Variants in BTBD9 observed in about 807,000 individuals in gnomAD.
The protein encoded by BTBD9 is BTB domain containing 9, also known as BTB/POZ domain-containing protein 9.
A neutral mutation model predicts 64.3 loss-of-function variants in BTBD9; 49 were observed. That is an observed-to-expected ratio of 0.76 (90% CI 0.61 to 0.97). The LOEUF (loss-of-function observed/expected upper bound fraction) is 0.97. Among genes scored for constraint, BTBD9 ranks in the 50% least tolerant of loss-of-function variants. The probability of loss-of-function intolerance (pLI) is 0.00; values close to 1 mark genes in which losing one functional copy is unlikely to be tolerated. For missense variants in BTBD9, 598 were observed against 762.1 expected, an observed-to-expected ratio of 0.78 and a Z score of 2.53; for synonymous variants, 260 against 274.7, an observed-to-expected ratio of 0.95 and a Z score of 0.53.
At chr6:38,549,997 C>A (rs1582618050) in intron 6 of BTBD9, among the ~76,000 whole-genome samples, 1 of 152,130 alleles carries the variant, frequency 6.6e-6, no homozygotes, top group Admixed American at 6.5e-5. Context: ...TTTGTCCCTG[C>A]CTCACAGGCA....
intron 5 of BTBD9, among the ~76,000 whole-genome samples, chr6:38,578,982 T>A (rs1054774295): frequency 6.6e-6 from 1 of 152,196 alleles, no homozygotes; most frequent in Admixed American, 6.5e-5. Flanking sequence ...GTCTACCACA[T>A]AAAAGTAATG....
Position 38,594,182 on chromosome 6 carries a change from G to C in BTBD9, c.331C>G (p.Leu111Val). 6.2e-7 allele frequency: 1 copy of C among 1,614,166 alleles called. No homozygotes were observed. Among genetic ancestry groups the C allele is most frequent in the African/African-American group, 1.3e-5 (1 of 75,034 alleles). The change falls in exon 3 of 11, where the codon CTG becomes GTG. Residue 111 changes from leucine (L) to valine (V), a missense_variant. Physicochemically the swap from Leu to Val is conservative, Grantham distance 32. Coordinates refer to ENST00000481247, the MANE Select transcript of BTBD9 (RefSeq NM_001099272.2). Reference protein sequence around the residue: ...TLTDEKEEVLLDFLSLAHKYG... With the variant: ...TLTDEKEEVLVDFLSLAHKYG... ...TTATGAGCCAGGCTCAAAAAGTCCAGCAGCACCTCCTCCTTCTCATCTGTC... is the reference window on the plus strand; with the variant it reads ...TTATGAGCCAGGCTCAAAAAGTCCACCAGCACCTCCTCCTTCTCATCTGTC...
intron 6 of BTBD9, among the ~76,000 whole-genome samples, chr6:38,410,476 A>G (rs1222032258): frequency 6.6e-6 from 1 of 152,104 alleles, no homozygotes; most frequent in Non-Finnish European, 1.5e-5. Flanking sequence ...TTATCTCAAA[A>G]CAAACAAACA....
chr6:38,474,768 A>C (rs1263187875), intron 6 of BTBD9, among the ~76,000 whole-genome samples: 1 of 152,142 alleles, frequency 6.6e-6, no homozygotes, highest in East Asian at 1.9e-4. Flanking sequence ...AATTACATTC[A>C]TTTCCAGGGC....
chr6:38,614,773 T>G (rs1243825437), intron 1 of BTBD9, among the ~76,000 whole-genome samples: 1 of 152,194 alleles, frequency 6.6e-6, no homozygotes, highest in Admixed American at 6.5e-5. Context: ...CACTCCACCT[T>G]CATCTCTCAC....
At chr6:38,247,183 A>C (rs986264649) in intron 9 of BTBD9, among the ~76,000 whole-genome samples, 4 of 152,200 alleles carry the variant, frequency 2.6e-5, no homozygotes, top group African/African-American at 9.7e-5. Flanking sequence ...AGGCAAAGTA[A>C]ATTGTCTCTA....
chr6:38,262,614 C>A (rs1445462884), intron 8 of BTBD9, among the ~76,000 whole-genome samples: 1 of 152,004 alleles, frequency 6.6e-6, no homozygotes, highest in African/African-American at 2.4e-5. Flanking sequence ...ATACAAAATT[C>A]AATAGCGAAT....
At chr6:38,303,468 C>T (rs1046311755) in intron 7 of BTBD9, among the ~76,000 whole-genome samples, 3 of 151,820 alleles carry the variant, frequency 2.0e-5, no homozygotes, top group African/African-American at 7.3e-5. Context: ...TTATGAAAAC[C>T]AGAAAGATGG....
chr6:38,182,254 T>A (rs1054934625), intron 10 of BTBD9, among the ~76,000 whole-genome samples: 5 of 152,156 alleles, frequency 3.3e-5, no homozygotes, highest in South Asian at 2.1e-4. Flanking sequence ...GCTTGGAAGG[T>A]TCTGGAAGAA....
chr6:38,280,498 A>G (rs1024096881), intron 8 of BTBD9, among the ~76,000 whole-genome samples: 1 of 152,250 alleles, frequency 6.6e-6, no homozygotes, highest in East Asian at 1.9e-4. Flanking sequence ...GACTAGAATT[A>G]TAAGCAATCT....
intron 6 of BTBD9, among the ~76,000 whole-genome samples, chr6:38,381,493 C>T (rs567812497): frequency 7.2e-5 from 11 of 152,176 alleles, no homozygotes; most frequent in African/African-American, 2.6e-4. Flanking sequence ...CTGAGAAATC[C>T]ACTATCAATG....
At chr6:38,469,615 G>A (rs781307872) in intron 6 of BTBD9, among the ~76,000 whole-genome samples, 6 of 151,980 alleles carry the variant, frequency 3.9e-5, no homozygotes, top group African/African-American at 1.2e-4. Flanking sequence ...CACCGCGCCC[G>A]GCAGGAACCC....
At chr6:38,596,704 G>A (rs978396901) in intron 2 of BTBD9, among the ~76,000 whole-genome samples, 2 of 152,090 alleles carry the variant, frequency 1.3e-5, no homozygotes, top group Non-Finnish European at 2.9e-5. Context: ...GGGAGGCTGA[G>A]GCAGGAGAAT....
At chr6:38,375,890 GA>G (rs143269156) in intron 6 of BTBD9, among the ~76,000 whole-genome samples, 4 of 50,338 alleles carry the variant, frequency 7.9e-5, no homozygotes, top group South Asian at 9.3e-4. Flanking sequence ...AAGAAAGAAA[GA>G]AAAGAAAGAA....
chr6:38,629,216 G>A (rs765330234), intron 1 of BTBD9, among the ~76,000 whole-genome samples: 5 of 152,248 alleles, frequency 3.3e-5, no homozygotes, highest in Middle Eastern at 3.4e-3. Context: ...AATGGATTCA[G>A]CAAATAGTCA....
At chr6:38,550,094 G>A (rs777557769) in intron 6 of BTBD9, among the ~76,000 whole-genome samples, 3 of 151,980 alleles carry the variant, frequency 2.0e-5, no homozygotes, top group Non-Finnish European at 4.4e-5. Flanking sequence ...TGTATCCAGC[G>A]CAGACTTCTC....
intron 6 of BTBD9, among the ~76,000 whole-genome samples, chr6:38,407,262 T>C (rs1767212319): frequency 6.6e-6 from 1 of 152,218 alleles, no homozygotes; most frequent in Admixed American, 6.5e-5. Flanking sequence ...GATTAAGCAA[T>C]GAGTTGTTTT....
intron 9 of BTBD9, among the ~76,000 whole-genome samples, chr6:38,230,634 A>T (rs1763570254): frequency 6.6e-6 from 1 of 151,998 alleles, no homozygotes; most frequent in African/African-American, 2.4e-5. Flanking sequence ...ATGATCGGAG[A>T]TCTACTGGCC....
At chr6:38,380,917 T>G (rs924484418) in intron 6 of BTBD9, among the ~76,000 whole-genome samples, 6 of 151,860 alleles carry the variant, frequency 4.0e-5, no homozygotes, top group Non-Finnish European at 7.4e-5. Flanking sequence ...CATGTTAGAA[T>G]AGCAAATTAA....
Sources: allele counts gnomAD v4.1 joint callset (sites outside exome capture counted in the v4.1 genomes callset), GRCh38; gene constraint gnomAD v4.1.1; transcripts MANE v1.5; gene names NCBI Gene and HGNC (gene_info 2026-07-23, HGNC 2026-07-21).